The following FOXN3 variants were observed in gnomAD, a reference collection of about 807,000 sequenced individuals.
FOXN3 encodes the protein forkhead box N3.
In FOXN3, 7 loss-of-function variants were observed where a neutral mutation model predicts 38.4. That is an observed-to-expected ratio of 0.18 (90% CI 0.10 to 0.34). The LOEUF (loss-of-function observed/expected upper bound fraction) is 0.34, where lower values mean the gene tolerates loss of function less well. FOXN3 is among the 10% of genes least tolerant of loss of function. The pLI is 1.00. For missense variants in FOXN3, 456 were observed against 613.4 expected (o/e 0.74, Z 2.71); for synonymous variants, 230 against 242.2 (o/e 0.95, Z 0.47).
In FOXN3 at chr14:89,412,913, C is replaced by T. The variant is rs529969042; in HGVS notation, c.-14-423G>A. On this transcript the variant is annotated intron_variant, in intron 1 of 5. Coordinates refer to ENST00000557258, the MANE Select transcript of FOXN3 (RefSeq NM_005197.4). The surrounding 1 kb of genome is among the most constrained non-coding windows in gnomAD (Gnocchi z 4.7). ...AAAGCAAGTAACTTCAGGTACCACA[C>T]AGAATACATGGGAATGTAAGATAAG... is the stretch of plus-strand genomic sequence containing the variant. 6.6e-6 allele frequency among the ~76,000 whole-genome samples: 1 copy of T among 152,178 alleles called. No individual in the cohort carries two copies. Among genetic ancestry groups the T allele is most frequent in the Admixed American group, 6.5e-5 (1 of 15,278 alleles).
At chr14:89,593,093 A>AG in intron 1 of FOXN3, among the ~76,000 whole-genome samples, 1 of 130,346 alleles carries the variant, frequency 7.7e-6, no homozygotes, top group Non-Finnish European at 1.6e-5. Context: ...GGGAAGGAGG[A>AG]GGAAGGAAAG....
rs376125923 is a variant in FOXN3 at position 89,590,657 on chromosome 14, C to T, written c.-15+28371G>A. ...TTTCTCCTGCTCTCCTGTCTCTCAC[C>T]CCCTCATTTGCCCTCGAGGCAAGCC... is the stretch of plus-strand genomic sequence containing the variant. On this transcript the variant is annotated intron_variant, in intron 1 of 6. Coordinates refer to the FOXN3 transcript ENST00000345097. 7.2e-5 allele frequency among the ~76,000 whole-genome samples: 11 copies of T among 152,272 alleles called. 1 individual carries two copies. The South Asian group carries it at 1.5e-3, about 20-fold the overall frequency.
intron 1 of FOXN3, among the ~76,000 whole-genome samples, chr14:89,495,708 C>T (rs1436986515): frequency 6.6e-6 from 1 of 152,170 alleles, no homozygotes; most frequent in African/African-American, 2.4e-5. Flanking sequence ...TATCAATGCC[C>T]TTACATTCCT....
At position 89,413,886 on chromosome 14, in the gene FOXN3, AAGGGC is replaced by A. The variant is rs370893490; in HGVS notation, c.-14-1401_-14-1397del. On this transcript the variant is annotated intron_variant, in intron 1 of 5. Transcript: ENST00000557258. Reference sequence around the variant, plus strand: ...AGGGCAAGAGAAGGGAAGGGCAGGGAAGGGCAGGGCAGGGCAGGGCAAGGGGAGGA... The same window carrying A: ...AGGGCAAGAGAAGGGAAGGGCAGGGAAGGGCAGGGCAGGGCAAGGGGAGGA... 2.1e-3 allele frequency among the ~76,000 whole-genome samples: 276 copies of A among 130,780 alleles called. 1 individual carries two copies. The highest frequency in any genetic ancestry group is 4.4e-3 in the African/African-American group (156 of 35,200). The allele number at this position is 130,780 out of a possible 152,430, so 85.8% of individuals were successfully genotyped here.
chr14:89,328,550 G>C (rs796610583), intron 3 of FOXN3, among the ~76,000 whole-genome samples: 1 of 146,650 alleles, frequency 6.8e-6, no homozygotes, highest in Non-Finnish European at 1.5e-5. Context: ...GATGAATGGG[G>C]GAAGAGACAT....
intron 3 of FOXN3, among the ~76,000 whole-genome samples, chr14:89,294,853 A>G (rs1387323056): frequency 1.3e-5 from 2 of 152,192 alleles, no homozygotes; most frequent in African/African-American, 4.8e-5. Flanking sequence ...TGCTCTATAT[A>G]TGAAGTAGCC....
intron 1 of FOXN3, among the ~76,000 whole-genome samples, chr14:89,557,209 C>T (rs144516493): frequency 2.4e-4 from 37 of 152,270 alleles, no homozygotes; most frequent in Non-Finnish European, 3.5e-4. Context: ...CAAAAGGTGC[C>T]GATTTCATCC....
At chr14:89,230,530 T>A (rs902416315) in intron 4 of FOXN3, among the ~76,000 whole-genome samples, 1 of 152,262 alleles carries the variant, frequency 6.6e-6, no homozygotes, top group Non-Finnish European at 1.5e-5. Context: ...TAAGTATACA[T>A]AAAGGGCTTA....
intron 4 of FOXN3, among the ~76,000 whole-genome samples, chr14:89,260,777 T>A (rs1885773959): frequency 6.6e-6 from 1 of 152,256 alleles, no homozygotes; most frequent in African/African-American, 2.4e-5. Flanking sequence ...CATGCGCTGC[T>A]CAGATTTTTA....
upstream of FOXN3, chr14:89,419,348 G>C: frequency 2.7e-6 from 1 of 366,006 alleles, no homozygotes; most frequent in Non-Finnish European, 5.4e-6. Flanking sequence ...CTCAGCTCTG[G>C]GACTTGCTTC....
chr14:89,276,595 G>A (rs1304826678), intron 4 of FOXN3, among the ~76,000 whole-genome samples: 3 of 152,212 alleles, frequency 2.0e-5, no homozygotes, highest in African/African-American at 4.8e-5. Flanking sequence ...AGAACGGGCT[G>A]TGAGTGGTTG....
chr14:89,511,118 T>G, intron 1 of FOXN3, among the ~76,000 whole-genome samples: 1 of 148,918 alleles, frequency 6.7e-6, no homozygotes, highest in Admixed American at 6.7e-5. Context: ...AAGACCTGCT[T>G]GGTGTCTTTC....
At chr14:89,234,594 G>C (rs952364085) in intron 4 of FOXN3, among the ~76,000 whole-genome samples, 1 of 151,428 alleles carries the variant, frequency 6.6e-6, no homozygotes, top group Non-Finnish European at 1.5e-5. Flanking sequence ...ATGATATCTG[G>C]TTGTTTAAAA....
chr14:89,451,483 A>G (rs1892611939), intron 1 of FOXN3, among the ~76,000 whole-genome samples: 1 of 152,216 alleles, frequency 6.6e-6, no homozygotes, highest in South Asian at 2.1e-4. Context: ...GTTAAAATTT[A>G]CCAAGGCTTT....
At chr14:89,288,746 A>G (rs1307919443) in intron 3 of FOXN3, among the ~76,000 whole-genome samples, 1 of 82,160 alleles carries the variant, frequency 1.2e-5, no homozygotes, top group African/African-American at 4.3e-5. Flanking sequence ...ATATATATAT[A>G]TATATATATA....
chr14:89,308,187 C>T (rs1369486269), intron 3 of FOXN3, among the ~76,000 whole-genome samples: 2 of 152,180 alleles, frequency 1.3e-5, no homozygotes, highest in African/African-American at 2.4e-5. Context: ...ATCATTTGAA[C>T]CTGGGAGGTG....
intron 5 of FOXN3, among the ~76,000 whole-genome samples, chr14:89,178,086 C>T (rs1304562136): frequency 6.6e-6 from 1 of 152,138 alleles, no homozygotes; most frequent in African/African-American, 2.4e-5. Context: ...CGGCTCACTG[C>T]AGTCTTGACC....
chr14:89,252,578 C>T (rs957806798), intron 4 of FOXN3, among the ~76,000 whole-genome samples: 6 of 150,056 alleles, frequency 4.0e-5, no homozygotes, highest in African/African-American at 1.5e-4. Flanking sequence ...TGCTTCAACC[C>T]GGGAGGCAGA....
intron 2 of FOXN3, 36 bp from the exon 3 acceptor site, chr14:89,350,844 A>G: frequency 1.4e-6 from 2 of 1,456,526 alleles, no homozygotes; most frequent in Non-Finnish European, 1.8e-6. Flanking sequence ...GCATTAATAG[A>G]GAATTATTAA....
Sources: allele counts gnomAD v4.1 joint callset (sites outside exome capture counted in the v4.1 genomes callset), GRCh38; gene constraint gnomAD v4.1.1; non-coding constraint Gnocchi (gnomAD v3.1); transcripts MANE v1.5; gene names NCBI Gene and HGNC (gene_info 2026-07-23, HGNC 2026-07-21).